STXBP3: variants seen among roughly 807,000 people sequenced by gnomAD.
STXBP3 encodes syntaxin binding protein 3.
In STXBP3, 41 loss-of-function variants were observed where a neutral mutation model predicts 85.7. The observed-to-expected ratio is 0.48, with a 90% confidence interval of 0.37 to 0.62. The LOEUF (loss-of-function observed/expected upper bound fraction) is 0.62. Among genes scored for constraint, STXBP3 ranks in the 20% least tolerant of loss-of-function variants. STXBP3 has a pLI of 0.00. For synonymous variants in STXBP3, 229 were observed against 231.7 expected, an observed-to-expected ratio of 0.99 and a Z score of 0.10; for missense variants, 563 against 703.1, an observed-to-expected ratio of 0.80 and a Z score of 2.25.
intron 3 of STXBP3, among the ~76,000 whole-genome samples, chr1:108,755,209 G>A (rs1340965254): frequency 6.6e-6 from 1 of 152,094 alleles, no homozygotes; most frequent in Non-Finnish European, 1.5e-5. Context: ...ACTTCGGGAG[G>A]CTGAGGCAGG....
Position 108,782,638 on chromosome 1 carries a change from C to T in STXBP3, c.906-11C>T. On this transcript the variant is annotated splice_polypyrimidine_tract_variant and intron_variant, in intron 10 of 18. Coordinates refer to ENST00000370008, the MANE Select transcript of STXBP3 (RefSeq NM_007269.4). ...CTTAGAAATTTAAAGAATTCTCTCA[C>T]AATTTGACAGGGAAATTCCCAAGCT... The T allele has an allele frequency of 3.1e-6, 5 of 1,604,792 alleles. No individual in the cohort carries two copies. The highest frequency in any genetic ancestry group is 4.2e-6 in the Non-Finnish European group (5 of 1,177,304).
chr1:108,797,152 C>T (rs543338230), intron 15 of STXBP3, among the ~76,000 whole-genome samples: 2 of 151,802 alleles, frequency 1.3e-5, no homozygotes, highest in South Asian at 2.1e-4. Context: ...CCCAGGAGTT[C>T]GAGACCAGCC....
At chr1:108,782,239 AT>A in intron 9 of STXBP3, 182 bp from the exon 10 acceptor site, 1 of 526,218 alleles carries the variant, frequency 1.9e-6, no homozygotes, top group Non-Finnish European at 3.4e-6. Flanking sequence ...CTTAGGACTT[AT>A]TTTTAATGTA....
Position 108,782,528 on chromosome 1 carries a change from T to C in STXBP3, c.905+11T>C. On this transcript the variant is annotated intron_variant, in intron 10 of 18. Transcript: ENST00000370008. ...TGCGGTTGTGTTAGAGTATGTGAACTCATTTTAATTTTTGTTCCATAATTT... is the reference window on the plus strand; with the variant it reads ...TGCGGTTGTGTTAGAGTATGTGAACCCATTTTAATTTTTGTTCCATAATTT... 6.2e-7 allele frequency: 1 copy of C among 1,610,614 alleles called. No homozygotes were observed. The highest frequency in any genetic ancestry group is 8.5e-7 in the Non-Finnish European group (1 of 1,178,530).
intron 13 of STXBP3, among the ~76,000 whole-genome samples, chr1:108,795,145 G>T (rs971149804): frequency 6.6e-6 from 1 of 152,008 alleles, no homozygotes; most frequent in South Asian, 2.1e-4. Context: ...TTTGTTTAAT[G>T]GAATGATTTA....
intron 6 of STXBP3, among the ~76,000 whole-genome samples, chr1:108,766,101 G>A (rs935610805): frequency 2.6e-5 from 4 of 151,362 alleles, no homozygotes; most frequent in Middle Eastern, 3.2e-3. Context: ...TGATCTGTCC[G>A]CCTTGGCCTA....
chr1:108,768,215 A>G (rs1368404303), intron 6 of STXBP3, among the ~76,000 whole-genome samples: 1 of 152,206 alleles, frequency 6.6e-6, no homozygotes, highest in Non-Finnish European at 1.5e-5. Flanking sequence ...TCTGTGTTGT[A>G]TAATGATACA....
At chr1:108,757,605 ATG>A (rs929494888) in intron 4 of STXBP3, among the ~76,000 whole-genome samples, 1 of 151,954 alleles carries the variant, frequency 6.6e-6, no homozygotes, top group African/African-American at 2.4e-5. Flanking sequence ...ATGGGTATGT[ATG>A]TGTGTGTGCA....
At chr1:108,772,044 A>G (rs1456645908) in intron 6 of STXBP3, among the ~76,000 whole-genome samples, 4 of 111,492 alleles carry the variant, frequency 3.6e-5, no homozygotes, top group African/African-American at 1.4e-4. Flanking sequence ...TATGATATCT[A>G]TATATCATAT....
intron 15 of STXBP3, among the ~76,000 whole-genome samples, chr1:108,797,489 G>A (rs12736466): frequency 0.3 from 43,226 of 145,974 alleles, 7,122 homozygotes; most frequent in East Asian, 0.77. Context: ...CTCGGCTCAC[G>A]GCAACCTCTG....
rs1282906935 is a variant in STXBP3, at chr1:108,793,611, GAA to G, written c.997_998del (p.Lys333AspfsTer10). On this transcript the variant is annotated frameshift_variant, in exon 12 of 19. Coordinates refer to ENST00000370008, the MANE Select transcript of STXBP3 (RefSeq NM_007269.4). LOFTEE classifies it high-confidence loss of function. The stretch of plus-strand genomic sequence containing the variant: ...CACTTAGTGCTCTTACCCAGCTGAT[GAA>G]AAAGATGCCCCATTTCCGAAAACAG... ...TSLSALTQLM[K>X]KMPHFRKQIT... 6.2e-7 allele frequency: 1 copy of G among 1,612,184 alleles called. No homozygotes were observed. Among genetic ancestry groups the G allele is most frequent in the African/African-American group, 1.3e-5 (1 of 74,840 alleles).
chr1:108,764,899 G>A (rs1234858370), intron 6 of STXBP3, among the ~76,000 whole-genome samples: 8 of 152,016 alleles, frequency 5.3e-5, no homozygotes, highest in East Asian at 1.9e-4. Flanking sequence ...TTCATTTGTC[G>A]GTTGTTGCTT....
Position 108,807,562 on chromosome 1 carries a change from T to C in STXBP3, c.1684+13T>C. The C allele has an allele frequency of 3.2e-6, 5 of 1,580,016 alleles. No homozygotes were observed. Among genetic ancestry groups the C allele is most frequent in the Non-Finnish European group, 4.3e-6 (5 of 1,170,382 alleles). On this transcript the variant is annotated intron_variant, in intron 18 of 18. Coordinates refer to ENST00000370008, the MANE Select transcript of STXBP3 (RefSeq NM_007269.4). ...GAAGTTATTATTGGTAAGACTTTCA[T>C]TTTCTTCTTTTCTGTTTTTTTTTTT...
At chr1:108,776,067 A>T (rs1374122677) in intron 7 of STXBP3, among the ~76,000 whole-genome samples, 1 of 152,136 alleles carries the variant, frequency 6.6e-6, no homozygotes, top group East Asian at 1.9e-4. Context: ...GTGGAATAAA[A>T]GGAACTGCAA....
At chr1:108,782,838 G>T (rs188491094) in intron 11 of STXBP3, 132 bp downstream of exon 11, 13 of 689,600 alleles carry the variant, frequency 1.9e-5, no homozygotes, top group Middle Eastern at 4.1e-4. Context: ...GAACTCCTAC[G>T]TACCCATTGC....
chr1:108,760,187 T>C, intron 6 of STXBP3, 102 bp downstream of exon 6: 1 of 631,352 alleles, frequency 1.6e-6, no homozygotes, highest in African/African-American at 1.9e-5. Flanking sequence ...TATATGTATT[T>C]GGTGAATTTT....
chr1:108,763,146 A>G (rs1311986782), intron 6 of STXBP3, among the ~76,000 whole-genome samples: 1 of 152,248 alleles, frequency 6.6e-6, no homozygotes, highest in Non-Finnish European at 1.5e-5. Context: ...ACAGATAGAT[A>G]CAATCTAGAA....
At chr1:108,775,840 A>G (rs2101119895) in intron 7 of STXBP3, among the ~76,000 whole-genome samples, 1 of 152,262 alleles carries the variant, frequency 6.6e-6, no homozygotes, top group South Asian at 2.1e-4. Flanking sequence ...AGAATCCAAT[A>G]TAATCATGAT....
At chr1:108,758,130 G>A (rs1303164518) in intron 4 of STXBP3, among the ~76,000 whole-genome samples, 2 of 151,998 alleles carry the variant, frequency 1.3e-5, no homozygotes, top group Non-Finnish European at 1.5e-5. Flanking sequence ...CGTTATCCAT[G>A]TAGATGATAC....
Sources: gnomAD v4.1 joint callset for allele counts (sites outside exome capture counted in the v4.1 genomes callset) on GRCh38, gnomAD v4.1.1 for gene constraint, MANE v1.5 for transcripts, NCBI Gene and HGNC (gene_info 2026-07-23, HGNC 2026-07-21) for gene names.